The following TENM2 variants were observed in gnomAD, a reference collection of about 807,000 sequenced individuals.
TENM2 encodes the protein teneurin-2.
A neutral mutation model predicts 245.2 loss-of-function variants in TENM2; 52 were observed. The observed-to-expected ratio is 0.21, with a 90% CI of 0.17 to 0.27. The LOEUF (loss-of-function observed/expected upper bound fraction) is 0.27, where lower values mean the gene tolerates loss of function less well. Ranked by LOEUF, TENM2 falls within the 10% of genes least tolerant of loss-of-function variation. The probability of loss-of-function intolerance (pLI) is 1.00; values close to 1 mark genes in which losing one functional copy is unlikely to be tolerated. For synonymous variants in TENM2, 1,363 were observed against 1,438.9 expected (o/e 0.95, Z 1.19); for missense variants, 3,046 against 3,666.8 (o/e 0.83, Z 4.37).
At chr5:167,530,878 G>T (rs1011879187) in intron 2 of TENM2, among the ~76,000 whole-genome samples, 4 of 152,168 alleles carry the variant, frequency 2.6e-5, no homozygotes, top group Non-Finnish European at 4.4e-5. Context: ...AAGCAGTCCC[G>T]CTAGAAGCCC....
At chr5:168,262,611 C>T (rs762160428) in exon 29 of TENM2, 1 of 1,588,460 alleles carries the variant, frequency 6.3e-7, no homozygotes, top group East Asian at 2.3e-5. Flanking sequence ...ACGGCCTGGG[C>T]CAAGGAGCAG....
At chr5:168,236,819 A>G (rs1765462000) in intron 25 of TENM2, among the ~76,000 whole-genome samples, 1 of 148,974 alleles carries the variant, frequency 6.7e-6, no homozygotes, top group Non-Finnish European at 1.5e-5. Flanking sequence ...TGACATAATG[A>G]AAATCTGCTC....
At chr5:167,164,567 C>G in the TENM2 span, among the ~76,000 whole-genome samples, 1 of 152,122 alleles carries the variant, frequency 6.6e-6, no homozygotes, top group Non-Finnish European at 1.5e-5. Flanking sequence ...ATAGTTCAAT[C>G]TAGACACGAG....
chr5:167,076,450 G>T, the TENM2 span, among the ~76,000 whole-genome samples: 2 of 152,126 alleles, frequency 1.3e-5, no homozygotes, highest in African/African-American at 4.8e-5. Context: ...TTATTAAAAT[G>T]AAACCATACT....
At chr5:167,168,573 G>T in the TENM2 span, among the ~76,000 whole-genome samples, 1 of 152,142 alleles carries the variant, frequency 6.6e-6, no homozygotes, top group Non-Finnish European at 1.5e-5. Context: ...TTGTTCAACA[G>T]AATTCAATCT....
intron 8 of TENM2, among the ~76,000 whole-genome samples, chr5:168,096,825 A>G (rs1793409107): frequency 1.3e-5 from 2 of 152,142 alleles, no homozygotes. Context: ...TTGGAACCTG[A>G]AAGTCTAAAT....
At chr5:167,739,410 AAAG>A (rs1477310213) in intron 2 of TENM2, among the ~76,000 whole-genome samples, 1 of 152,192 alleles carries the variant, frequency 6.6e-6, no homozygotes, top group Non-Finnish European at 1.5e-5. Context: ...TCATGGAGAG[AAAG>A]AAGAGACCCA....
At chr5:167,107,091 CAAA>C in the TENM2 span, among the ~76,000 whole-genome samples, 3,390 of 68,876 alleles carry the variant, frequency 0.049, 130 homozygotes, top group African/African-American at 0.13. Context: ...CTAAAAAATA[CAAA>C]AAAAAAAAAA....
chr5:167,358,582 C>T lies in TENM2; in HGVS notation c.227-16616C>T, dbSNP rs563256762. Among the ~76,000 whole-genome samples, 37 of 151,854 alleles carry T rather than the reference C, an allele frequency of 2.4e-4. No individual in the cohort carries two copies. The South Asian group carries it at 5.4e-3, about 22-fold the overall frequency. ...CCAAGCTCTTAATAGGAAAGTGACC[C>T]GGGGCTCAATTCTTGATATTCTTTT... On this transcript the variant is annotated intron_variant, in intron 1 of 28. Coordinates refer to ENST00000518659, the Ensembl canonical transcript of TENM2.
intron 6 of TENM2, among the ~76,000 whole-genome samples, chr5:168,056,183 G>C (rs1444059621): frequency 6.6e-6 from 1 of 152,148 alleles, no homozygotes; most frequent in Non-Finnish European, 1.5e-5. Context: ...ACAGAGATCT[G>C]TCCTCCTGGA....
intron 4 of TENM2, among the ~76,000 whole-genome samples, chr5:167,967,748 C>T (rs1431503529): frequency 6.6e-6 from 1 of 152,182 alleles, no homozygotes; most frequent in African/African-American, 2.4e-5. Context: ...GTGTAAATGT[C>T]GAAGACTCTG....
At chr5:167,582,737 G>A (rs547231670) in intron 2 of TENM2, among the ~76,000 whole-genome samples, 20 of 152,096 alleles carry the variant, frequency 1.3e-4, no homozygotes, top group Non-Finnish European at 2.1e-4. Flanking sequence ...AACAGGCTGT[G>A]ATTCTCCAGA....
At chr5:167,788,844 G>T (rs1764753997) in intron 2 of TENM2, among the ~76,000 whole-genome samples, 1 of 152,134 alleles carries the variant, frequency 6.6e-6, no homozygotes, top group African/African-American at 2.4e-5. Context: ...GCCAAGAAGT[G>T]ACTTACGTCA....
chr5:167,274,273 T>C, the TENM2 span, among the ~76,000 whole-genome samples: 13 of 152,272 alleles, frequency 8.5e-5, no homozygotes, highest in Admixed American at 5.2e-4. Context: ...ATCTTTAGGA[T>C]TGCTTTTTTC....
At chr5:167,560,645 GT>G (rs1188089679) in intron 2 of TENM2, among the ~76,000 whole-genome samples, 1 of 152,156 alleles carries the variant, frequency 6.6e-6, no homozygotes, top group Non-Finnish European at 1.5e-5. Context: ...TATCTCATAG[GT>G]TTGTTTTTAG....
intron 2 of TENM2, among the ~76,000 whole-genome samples, chr5:167,868,086 C>T (rs1049857230): frequency 1.3e-5 from 2 of 152,180 alleles, no homozygotes; most frequent in Admixed American, 6.5e-5. Context: ...AGCCATCACA[C>T]GTAGTAATAC....
rs186350551 is a variant in TENM2, at chr5:167,404,832, A to G, written c.502+29359A>G. ...TCACTCACTTAAAATACAAAATTCA[A>G]TGGTTTCTAGTATATCACAGGCTTG... On this transcript the variant is annotated intron_variant, in intron 2 of 28. Coordinates refer to ENST00000518659, the Ensembl canonical transcript of TENM2. Among the ~76,000 whole-genome samples, 14 of 152,264 alleles carry G rather than the reference A, an allele frequency of 9.2e-5. No homozygotes were observed. The East Asian group carries it at 1.5e-3, about 17-fold the overall frequency.
At chr5:168,059,257 A>G (rs1789826168) in intron 6 of TENM2, among the ~76,000 whole-genome samples, 1 of 152,178 alleles carries the variant, frequency 6.6e-6, no homozygotes, top group Non-Finnish European at 1.5e-5. Flanking sequence ...CTCCCTGGAG[A>G]CAAGTTCCCT....
chr5:167,308,802 T>C (rs925838522), intron 1 of TENM2, among the ~76,000 whole-genome samples: 1 of 152,160 alleles, frequency 6.6e-6, no homozygotes, highest in African/African-American at 2.4e-5. Context: ...AAGCTTAGAA[T>C]TGAGACCACA....
Sources: gnomAD v4.1 joint callset for allele counts (sites outside exome capture counted in the v4.1 genomes callset) on GRCh38, gnomAD v4.1.1 for gene constraint, MANE v1.5 for transcripts, NCBI Gene and HGNC (gene_info 2026-07-23, HGNC 2026-07-21) for gene names.